Variants in ENTREP2 observed in about 807,000 individuals in gnomAD.
ENTREP2 encodes the protein protein ENTREP2.
At chr15:29,176,324 C>T in the ENTREP2 span, among the ~76,000 whole-genome samples, 4 of 152,078 alleles carry the variant, frequency 2.6e-5, no homozygotes, top group South Asian at 2.1e-4. Context: ...GGAGGAGCCC[C>T]CACCTTTCCT....
chr15:29,261,370 C>T, the ENTREP2 span, among the ~76,000 whole-genome samples: 2 of 152,068 alleles, frequency 1.3e-5, no homozygotes, highest in Non-Finnish European at 2.9e-5. Flanking sequence ...AAGCAAGATC[C>T]TATCTCTAAA....
chr15:29,651,171 A>G, the ENTREP2 span, among the ~76,000 whole-genome samples: 1 of 152,222 alleles, frequency 6.6e-6, no homozygotes, highest in Admixed American at 6.5e-5. Flanking sequence ...ATGCACTGGT[A>G]AGTTTTACCA....
chr15:29,641,717 A>C, the ENTREP2 span, among the ~76,000 whole-genome samples: 1 of 151,874 alleles, frequency 6.6e-6, no homozygotes, highest in South Asian at 2.1e-4. Context: ...CTGTAGTCCC[A>C]GCTACTCAGA....
At chr15:29,543,888 G>A in the ENTREP2 span, among the ~76,000 whole-genome samples, 2 of 151,718 alleles carry the variant, frequency 1.3e-5, no homozygotes, top group African/African-American at 4.8e-5. Context: ...CCAAAATGAT[G>A]TCAAATTTTC....
chr15:29,269,737 G>T, the ENTREP2 span: 2 of 1,457,428 alleles, frequency 1.4e-6, no homozygotes, highest in East Asian at 2.8e-5. Context: ...CGCACACTCC[G>T]GTAGGCAAGC....
chr15:29,269,191 C>T, the ENTREP2 span: 1 of 1,614,114 alleles, frequency 6.2e-7, no homozygotes, highest in Admixed American at 1.7e-5. Flanking sequence ...AGTGGGCGTG[C>T]CTTGGTCACC....
chr15:29,480,001 A>G, the ENTREP2 span, among the ~76,000 whole-genome samples: 1 of 151,986 alleles, frequency 6.6e-6, no homozygotes, highest in Admixed American at 6.6e-5. Flanking sequence ...CTACTCTTGG[A>G]TTTTTCAGTC....
At chr15:29,450,780 G>A in the ENTREP2 span, among the ~76,000 whole-genome samples, 9 of 152,236 alleles carry the variant, frequency 5.9e-5, no homozygotes, top group Admixed American at 1.3e-4. Flanking sequence ...AATATGATGC[G>A]GCCATTAAAA....
the ENTREP2 span, among the ~76,000 whole-genome samples, chr15:29,656,334 T>C: frequency 6.6e-5 from 10 of 152,000 alleles, no homozygotes; most frequent in Non-Finnish European, 1.3e-4. Context: ...TAAGCAATTC[T>C]CATGTGTCAG....
chr15:29,375,613 A>G, the ENTREP2 span: 1 of 152,220 alleles, frequency 6.6e-6, no homozygotes, highest in Non-Finnish European at 1.5e-5. Flanking sequence ...CTCTACAGTT[A>G]TGAGAAATAA....
At chr15:29,573,176 G>A in the ENTREP2 span, among the ~76,000 whole-genome samples, 1 of 152,176 alleles carries the variant, frequency 6.6e-6, no homozygotes, top group Non-Finnish European at 1.5e-5. Flanking sequence ...GGTACGGAAA[G>A]AGAGCTCCAA....
the ENTREP2 span, among the ~76,000 whole-genome samples, chr15:29,350,198 A>G: frequency 6.6e-6 from 1 of 152,152 alleles, no homozygotes; most frequent in Non-Finnish European, 1.5e-5. Context: ...GAGTTCTTTA[A>G]TAACTATTTC....
At chr15:29,117,719 T>G in the ENTREP2 span, 1 of 156,302 alleles carries the variant, frequency 6.4e-6, no homozygotes, top group African/African-American at 2.4e-5. Context: ...ACATGAAAAC[T>G]CCATATTTAT....
the ENTREP2 span, among the ~76,000 whole-genome samples, chr15:29,119,648 T>TAAAAAAA: frequency 2.4e-4 from 1 of 4,124 alleles, no homozygotes; most frequent in African/African-American, 2.9e-4. Context: ...TAAAATAAAA[T>TAAAAAAA]AATAAAATAA....
At chr15:29,167,901 T>C in the ENTREP2 span, among the ~76,000 whole-genome samples, 1 of 152,156 alleles carries the variant, frequency 6.6e-6, no homozygotes, top group Non-Finnish European at 1.5e-5. Context: ...AATTCACACT[T>C]GCAAAATTGT....
the ENTREP2 span, among the ~76,000 whole-genome samples, chr15:29,246,226 A>G: frequency 6.8e-6 from 1 of 147,438 alleles, no homozygotes; most frequent in East Asian, 2.0e-4. Flanking sequence ...ACTCTCTACA[A>G]AAAATACAAA....
At chr15:29,656,944 C>A in the ENTREP2 span, among the ~76,000 whole-genome samples, 4 of 152,218 alleles carry the variant, frequency 2.6e-5, no homozygotes, top group African/African-American at 9.6e-5. Context: ...ATAAATAGCC[C>A]AAATTTCCCT....
the ENTREP2 span, among the ~76,000 whole-genome samples, chr15:29,338,731 G>C: frequency 6.6e-6 from 1 of 152,172 alleles, no homozygotes; most frequent in Admixed American, 6.5e-5. Flanking sequence ...CATGAGGAGG[G>C]ACGGGAGTAA....
the ENTREP2 span, among the ~76,000 whole-genome samples, chr15:29,587,695 T>C: frequency 6.6e-6 from 1 of 152,338 alleles, no homozygotes; most frequent in Non-Finnish European, 1.5e-5. Context: ...AGTCTCGCTC[T>C]GTCACCCAGG....
Sources: allele counts gnomAD v4.1 joint callset (sites outside exome capture counted in the v4.1 genomes callset), GRCh38; gene constraint gnomAD v4.1.1; transcripts MANE v1.5; gene names NCBI Gene and HGNC (gene_info 2026-07-23, HGNC 2026-07-21).